The following RAB2A variants were observed in gnomAD, a reference collection of about 807,000 sequenced individuals.
RAB2A encodes the protein ras-related protein Rab-2A.
Under a neutral mutation model 32.5 loss-of-function variants are expected in RAB2A, and 7 were observed. The ratio of observed to expected loss-of-function variants is 0.22; its 90% confidence interval spans 0.12 to 0.40. The LOEUF is 0.40. Ranked by LOEUF, RAB2A falls within the 10% of genes least tolerant of loss-of-function variation. The probability of loss-of-function intolerance (pLI) is 1.00; values close to 1 mark genes in which losing one functional copy is unlikely to be tolerated. For missense variants in RAB2A, 108 were observed against 260.7 expected, an observed-to-expected ratio of 0.41 and a Z score of 4.03; for synonymous variants, 79 against 85.2, an observed-to-expected ratio of 0.93 and a Z score of 0.40.
At chr8:60,518,077 T>G (rs1012927619) in intron 1 of RAB2A, among the ~76,000 whole-genome samples, 1 of 152,180 alleles carries the variant, frequency 6.6e-6, no homozygotes, top group Non-Finnish European at 1.5e-5. Flanking sequence ...TGAGCTCATG[T>G]CCATGAGCTG....
At chr8:60,600,441 A>T (rs1303696788) in intron 6 of RAB2A, among the ~76,000 whole-genome samples, 8 of 152,170 alleles carry the variant, frequency 5.3e-5, no homozygotes, top group Admixed American at 5.2e-4. Flanking sequence ...AAACCAGATC[A>T]CTCTTACGTT....
intron 1 of RAB2A, among the ~76,000 whole-genome samples, chr8:60,536,558 AG>A (rs1397762019): frequency 6.6e-6 from 1 of 152,230 alleles, no homozygotes; most frequent in Non-Finnish European, 1.5e-5. Context: ...TAAAATGGTC[AG>A]ATTAAAGTGT....
chr8:60,575,883 C>T (rs1348652208), intron 3 of RAB2A, among the ~76,000 whole-genome samples: 1 of 152,000 alleles, frequency 6.6e-6, no homozygotes, highest in Non-Finnish European at 1.5e-5. Flanking sequence ...TCCCGAACTC[C>T]CGACCTCAGG....
intron 6 of RAB2A, among the ~76,000 whole-genome samples, chr8:60,596,489 A>G (rs1804026479): frequency 6.6e-6 from 1 of 152,260 alleles, no homozygotes; most frequent in Non-Finnish European, 1.5e-5. Flanking sequence ...GGCGAAGGAT[A>G]TGAACAGACA....
chr8:60,608,535 C>CCTCCTTCTCTCTCTCCTCTCT (rs1563486097), intron 6 of RAB2A, among the ~76,000 whole-genome samples: 2 of 132,160 alleles, frequency 1.5e-5, no homozygotes, highest in Non-Finnish European at 3.0e-5. Flanking sequence ...CTCTCCTTCT[C>CCTCCTTCTCTCTCTCCTCTCT]CTCCTTCTCT....
At chr8:60,569,837 G>C (rs1447496075) in intron 2 of RAB2A, 2 of 378,458 alleles carry the variant, frequency 5.3e-6, no homozygotes, top group Non-Finnish European at 1.1e-5. Flanking sequence ...TTTGAATAAA[G>C]AGACGAACAT....
chr8:60,562,967 C>T (rs1408915313), intron 2 of RAB2A, among the ~76,000 whole-genome samples: 2 of 151,828 alleles, frequency 1.3e-5, no homozygotes, highest in African/African-American at 4.8e-5. Context: ...GGCCCAAGGC[C>T]TACTTAACAT....
chr8:60,550,023 C>A (rs1184256195), intron 1 of RAB2A, among the ~76,000 whole-genome samples: 1 of 152,126 alleles, frequency 6.6e-6, no homozygotes, highest in Non-Finnish European at 1.5e-5. Flanking sequence ...TTACATGTGG[C>A]TTATCTTCAT....
At chr8:60,567,695 G>GTTCATA (rs778522145) in intron 2 of RAB2A, among the ~76,000 whole-genome samples, 1 of 136,346 alleles carries the variant, frequency 7.3e-6, no homozygotes, top group Non-Finnish European at 1.5e-5. Flanking sequence ...TTATGGTTTT[G>GTTCATA]TTCATATAGG....
At chr8:60,565,430 AAAAAG>A (rs1359558118) in intron 2 of RAB2A, among the ~76,000 whole-genome samples, 3 of 151,638 alleles carry the variant, frequency 2.0e-5, no homozygotes, top group Admixed American at 6.6e-5. Context: ...AAAAAAAAAA[AAAAAG>A]AAAGAAGTAA....
At chr8:60,545,763 A>C (rs1807717660) in intron 1 of RAB2A, among the ~76,000 whole-genome samples, 1 of 152,202 alleles carries the variant, frequency 6.6e-6, no homozygotes. Context: ...GATTTGTATT[A>C]ATTACAGAGT....
chr8:60,611,974 AT>A lies in RAB2A; in HGVS notation c.475-6597del, dbSNP rs542067335. On this transcript the variant is annotated intron_variant, in intron 6 of 7. Transcript: ENST00000262646. ...GCAACAAACCCTAAAATAAACAACTATTTTTTTTTAAGTTCTGGGATACATG... is the reference window on the plus strand; with the variant it reads ...GCAACAAACCCTAAAATAAACAACTATTTTTTTTAAGTTCTGGGATACATG... 1.3e-4 allele frequency among the ~76,000 whole-genome samples: 19 copies of A among 151,546 alleles called. 1 individual carries two copies. In the South Asian group the frequency reaches 3.7e-3, roughly 30 times the overall value.
At chr8:60,599,661 A>G (rs1804097108) in intron 6 of RAB2A, among the ~76,000 whole-genome samples, 1 of 152,192 alleles carries the variant, frequency 6.6e-6, no homozygotes, top group Admixed American at 6.5e-5. Context: ...AAAGGTGCAA[A>G]AGTAGTTAAA....
At chr8:60,613,409 A>G (rs1450228650) in intron 6 of RAB2A, among the ~76,000 whole-genome samples, 1 of 152,222 alleles carries the variant, frequency 6.6e-6, no homozygotes, top group African/African-American at 2.4e-5. Flanking sequence ...GAAGTGGGCT[A>G]CATTTATCTT....
intron 5 of RAB2A, 30 bp downstream of exon 5, chr8:60,584,845 C>A: frequency 1.3e-6 from 2 of 1,484,132 alleles, no homozygotes; most frequent in South Asian, 1.1e-5. Flanking sequence ...GCTTACATTG[C>A]ATTAGTGATG....
intron 1 of RAB2A, among the ~76,000 whole-genome samples, chr8:60,526,037 ATATATATATATATATATAT>A (rs1428884861): frequency 2.5e-5 from 3 of 122,326 alleles, no homozygotes; most frequent in South Asian, 2.9e-4. Flanking sequence ...ATATATATAT[ATATATATATATATATATAT>A]AAGTTTTCTG....
rs551452175 is a variant in RAB2A at position 60,545,190 on chromosome 8, C to T, written c.47-13662C>T. Among the ~76,000 whole-genome samples, 15 of 150,120 alleles carry T rather than the reference C, an allele frequency of 1.0e-4. No individual in the cohort carries two copies. In the East Asian group the frequency reaches 2.6e-3, roughly 26 times the overall value. ...TCCAGTAGAATACCCAGCACCTACT[C>T]GTATTTCTTGTGAAGGACTCTTTGC... On this transcript the variant is annotated intron_variant, in intron 1 of 7. Transcript: ENST00000262646.
intron 2 of RAB2A, among the ~76,000 whole-genome samples, chr8:60,566,307 TAG>T (rs939872047): frequency 1.1e-4 from 16 of 152,360 alleles, no homozygotes; most frequent in Middle Eastern, 6.8e-3. Flanking sequence ...GTTTGTAAAT[TAG>T]AGTCAAAAAA....
intron 2 of RAB2A, among the ~76,000 whole-genome samples, chr8:60,561,694 T>C (rs1586083722): frequency 6.6e-6 from 1 of 152,150 alleles, no homozygotes; most frequent in East Asian, 1.9e-4. Flanking sequence ...GGGACGAGAG[T>C]TCATTGGCTC....
Sources: gnomAD v4.1 joint callset for allele counts (sites outside exome capture counted in the v4.1 genomes callset) on GRCh38, gnomAD v4.1.1 for gene constraint, MANE v1.5 for transcripts, NCBI Gene and HGNC (gene_info 2026-07-23, HGNC 2026-07-21) for gene names.